The following WDPCP variants were observed in gnomAD, a reference collection of about 807,000 sequenced individuals.
WDPCP encodes WD repeat-containing and planar cell polarity effector protein fritz homolog.
Under a neutral mutation model 93.1 loss-of-function variants are expected in WDPCP, and 71 were observed. That is an observed-to-expected ratio of 0.76 (90% CI 0.63 to 0.93). The LOEUF is 0.93. WDPCP is among the 40% of genes least tolerant of loss of function. The probability of loss-of-function intolerance (pLI) is 0.00; values close to 1 mark genes in which losing one functional copy is unlikely to be tolerated. For missense variants in WDPCP, 844 were observed against 887.4 expected (o/e 0.95, Z 0.62); for synonymous variants, 315 against 315.0 (o/e 1.00, Z 0.00).
intron 2 of WDPCP, among the ~76,000 whole-genome samples, chr2:63,778,677 CT>C (rs371017753): frequency 6.6e-6 from 1 of 152,246 alleles, no homozygotes; most frequent in South Asian, 2.1e-4. Context: ...ATTCTATGTT[CT>C]TTTTATATCT....
intron 2 of WDPCP, among the ~76,000 whole-genome samples, chr2:63,652,906 G>A (rs1710124240): frequency 6.6e-6 from 1 of 152,118 alleles, no homozygotes; most frequent in African/African-American, 2.4e-5. Flanking sequence ...ACTACTAGAA[G>A]TCTGCACTCT....
intron 2 of WDPCP, among the ~76,000 whole-genome samples, chr2:63,755,823 T>A (rs1669959836): frequency 6.6e-6 from 1 of 152,196 alleles, no homozygotes; most frequent in Admixed American, 6.5e-5. Context: ...AAATATAATT[T>A]GTCTACACAC....
At chr2:63,707,886 G>A (rs1380984395) in intron 2 of WDPCP, among the ~76,000 whole-genome samples, 1 of 152,196 alleles carries the variant, frequency 6.6e-6, no homozygotes, top group African/African-American at 2.4e-5. Flanking sequence ...GTTTGCTGGA[G>A]GTCCACTCCA....
At chr2:63,208,063 T>C (rs1249062944) in intron 14 of WDPCP, among the ~76,000 whole-genome samples, 2 of 152,162 alleles carry the variant, frequency 1.3e-5, no homozygotes, top group Admixed American at 6.5e-5. Flanking sequence ...CTCTAAAAAA[T>C]CTTCTTTAAT....
chr2:63,146,675 G>A (rs1280119645), intron 17 of WDPCP, among the ~76,000 whole-genome samples: 3 of 152,058 alleles, frequency 2.0e-5, no homozygotes, highest in Non-Finnish European at 2.9e-5. Context: ...GTTCCCGGCC[G>A]AGAGTTTTTA....
At chr2:63,395,394 C>G (rs749694755) in intron 10 of WDPCP, among the ~76,000 whole-genome samples, 3 of 152,146 alleles carry the variant, frequency 2.0e-5, no homozygotes, top group Non-Finnish European at 4.4e-5. Flanking sequence ...CACTCTCTCA[C>G]CTTTTGGAGT....
intron 3 of WDPCP, among the ~76,000 whole-genome samples, chr2:63,636,327 T>C (rs991269184): frequency 6.6e-6 from 1 of 152,226 alleles, no homozygotes; most frequent in African/African-American, 2.4e-5. Context: ...TTTATCATCA[T>C]TTTTCATAGA....
intron 12 of WDPCP, among the ~76,000 whole-genome samples, chr2:63,357,323 T>C (rs906698325): frequency 3.3e-5 from 5 of 151,840 alleles, no homozygotes; most frequent in African/African-American, 9.7e-5. Flanking sequence ...ACCAACAGAG[T>C]AAACAGACAA....
At chr2:63,310,041 T>C (rs1181856123) in intron 13 of WDPCP, among the ~76,000 whole-genome samples, 2 of 152,152 alleles carry the variant, frequency 1.3e-5, no homozygotes, top group Non-Finnish European at 1.5e-5. Flanking sequence ...ATCTGACAAA[T>C]GTATAAACAA....
rs544854768 is a variant in WDPCP at position 63,256,152 on chromosome 2, C to T, written c.1915+3155G>A. On this transcript the variant is annotated intron_variant, in intron 14 of 17. Coordinates refer to ENST00000272321, the MANE Select transcript of WDPCP (RefSeq NM_015910.7). ...AGATTCTAACCAGAATTTCAGCCCC[C>T]ACTGTTTTTGTTTCTTTTTTTTCCT... 3.3e-5 allele frequency among the ~76,000 whole-genome samples: 5 copies of T among 152,234 alleles called. No homozygotes were observed. The South Asian group carries it at 1.0e-3, about 32-fold the overall frequency.
intron 14 of WDPCP, among the ~76,000 whole-genome samples, chr2:63,209,260 A>C (rs1574878869): frequency 6.6e-6 from 1 of 152,150 alleles, no homozygotes; most frequent in African/African-American, 2.4e-5. Context: ...CTTATTGTTC[A>C]CCTTTCATAG....
chr2:63,271,206 G>A (rs1260387654), intron 13 of WDPCP, among the ~76,000 whole-genome samples: 2 of 152,204 alleles, frequency 1.3e-5, no homozygotes. Context: ...AACTTCCTAG[G>A]TCCACTGTCA....
At chr2:63,365,709 A>G (rs989456138) in intron 12 of WDPCP, among the ~76,000 whole-genome samples, 1 of 152,190 alleles carries the variant, frequency 6.6e-6, no homozygotes. Context: ...GACAACTGCC[A>G]CAATGGCTCA....
At chr2:63,203,910 T>C (rs1284623424) in intron 14 of WDPCP, among the ~76,000 whole-genome samples, 1 of 152,254 alleles carries the variant, frequency 6.6e-6, no homozygotes, top group Non-Finnish European at 1.5e-5. Context: ...CTGAATAGTA[T>C]GCCATTGTGC....
At chr2:63,616,532 TTACTC>T (rs1305478670) in intron 3 of WDPCP, among the ~76,000 whole-genome samples, 1 of 152,116 alleles carries the variant, frequency 6.6e-6, no homozygotes, top group African/African-American at 2.4e-5. Flanking sequence ...TATATATCCT[TTACTC>T]TATAGCATAA....
chr2:63,410,847 T>C lies in WDPCP; in HGVS notation c.826-6190A>G, dbSNP rs532864019. 8.5e-5 allele frequency among the ~76,000 whole-genome samples: 13 copies of C among 152,224 alleles called. No homozygotes were observed. The South Asian group carries it at 2.7e-3, about 32-fold the overall frequency. On this transcript the variant is annotated intron_variant, in intron 9 of 17. Coordinates refer to ENST00000272321, the MANE Select transcript of WDPCP (RefSeq NM_015910.7). ...CTTGCCCAACAGGAAAATATCACAG[T>C]CCTAAATATATATGCACCTAACACT...
At chr2:63,187,174 T>C (rs923919756) in intron 14 of WDPCP, among the ~76,000 whole-genome samples, 5 of 152,252 alleles carry the variant, frequency 3.3e-5, no homozygotes, top group Non-Finnish European at 5.9e-5. Context: ...CATATTAGTA[T>C]AGATATCCCT....
chr2:63,298,034 C>T (rs1231553142), intron 13 of WDPCP, among the ~76,000 whole-genome samples: 1 of 152,172 alleles, frequency 6.6e-6, no homozygotes, highest in Non-Finnish European at 1.5e-5. Context: ...CTCCAGAATG[C>T]ATGCTTCTGG....
At chr2:63,698,543 T>G (rs774295906) in intron 2 of WDPCP, among the ~76,000 whole-genome samples, 1 of 152,202 alleles carries the variant, frequency 6.6e-6, no homozygotes, top group African/African-American at 2.4e-5. Context: ...TGGCACAGAC[T>G]GAGGCTGGAG....
Sources: gnomAD v4.1 joint callset for allele counts (sites outside exome capture counted in the v4.1 genomes callset) on GRCh38, gnomAD v4.1.1 for gene constraint, MANE v1.5 for transcripts, NCBI Gene and HGNC (gene_info 2026-07-23, HGNC 2026-07-21) for gene names.